The following TRDN variants were observed in gnomAD, a reference collection of about 807,000 sequenced individuals.
TRDN encodes triadin in skeletal muscle.
TRDN carries 161 observed loss-of-function variants against 149.7 expected under a neutral mutation model. The ratio of observed to expected loss-of-function variants is 1.08; its 90% confidence interval spans 0.95 to 1.23. The LOEUF is 1.23. Among genes scored for constraint, TRDN ranks in the 50% most tolerant of loss-of-function variants. TRDN has a pLI of 0.00. For missense variants in TRDN, 896 were observed against 823.5 expected (o/e 1.09, Z -1.08); for synonymous variants, 294 against 250.5 (o/e 1.17, Z -1.64).
At chr6:123,449,826 G>C (rs1266230673) in intron 10 of TRDN, among the ~76,000 whole-genome samples, 5 of 152,094 alleles carry the variant, frequency 3.3e-5, no homozygotes, top group South Asian at 2.1e-4. Context: ...AGAAGCACCA[G>C]GTAACCTCTA....
intron 12 of TRDN, among the ~76,000 whole-genome samples, chr6:123,422,824 T>C (rs1773965064): frequency 6.6e-6 from 1 of 152,142 alleles, no homozygotes; most frequent in Non-Finnish European, 1.5e-5. Context: ...ACCCCTCTAC[T>C]TATCCTCAAT....
At chr6:123,458,279 G>A (rs1015198772) in intron 10 of TRDN, among the ~76,000 whole-genome samples, 5 of 152,078 alleles carry the variant, frequency 3.3e-5, no homozygotes, top group South Asian at 4.1e-4. Flanking sequence ...GCATCAATTC[G>A]GGTAGGCTTT....
chr6:123,296,877 G>A (rs1001497829), intron 24 of TRDN, among the ~76,000 whole-genome samples: 3 of 151,924 alleles, frequency 2.0e-5, no homozygotes, highest in Admixed American at 2.0e-4. Flanking sequence ...AGGCCATTTG[G>A]TAAACAAGAA....
intron 1 of TRDN, among the ~76,000 whole-genome samples, chr6:123,606,370 T>G (rs1239299462): frequency 9.2e-5 from 14 of 152,056 alleles, no homozygotes; most frequent in Non-Finnish European, 1.5e-5. Flanking sequence ...TTTTTTTCCC[T>G]TTGTTTCCTA....
At chr6:123,447,857 C>A (rs1410564909) in intron 10 of TRDN, among the ~76,000 whole-genome samples, 1 of 152,088 alleles carries the variant, frequency 6.6e-6, no homozygotes, top group Non-Finnish European at 1.5e-5. Context: ...ACCCACAGAC[C>A]CTCTGAAGGA....
chr6:123,265,699 A>G (rs1484029137), intron 32 of TRDN, among the ~76,000 whole-genome samples: 1 of 147,996 alleles, frequency 6.8e-6, no homozygotes, highest in Non-Finnish European at 1.5e-5. Flanking sequence ...AATACATATT[A>G]ATATTAATTT....
At chr6:123,344,960 G>T (rs1167599835) in intron 21 of TRDN, among the ~76,000 whole-genome samples, 1 of 151,940 alleles carries the variant, frequency 6.6e-6, no homozygotes, top group African/African-American at 2.4e-5. Flanking sequence ...TATTTTAATA[G>T]GTGTGTAGTG....
At chr6:123,486,970 C>T (rs1477061858) in intron 9 of TRDN, among the ~76,000 whole-genome samples, 1 of 151,872 alleles carries the variant, frequency 6.6e-6, no homozygotes, top group Non-Finnish European at 1.5e-5. Context: ...GGCTAGGAGA[C>T]ATCAGATGGC....
At chr6:123,455,991 C>T (rs1562323245) in intron 10 of TRDN, among the ~76,000 whole-genome samples, 1 of 151,968 alleles carries the variant, frequency 6.6e-6, no homozygotes, top group Non-Finnish European at 1.5e-5. Context: ...ATTATCAGTA[C>T]AAGAAAAAGT....
intron 21 of TRDN, among the ~76,000 whole-genome samples, chr6:123,345,781 C>G (rs1356631458): frequency 6.6e-6 from 1 of 151,898 alleles, no homozygotes; most frequent in Non-Finnish European, 1.5e-5. Flanking sequence ...AAAAAATATA[C>G]CTAAGTGTTT....
chr6:123,304,252 C>CTTTT lies in TRDN; in HGVS notation c.1510+12201_1510+12204dup, dbSNP rs71649806. On this transcript the variant is annotated intron_variant, in intron 24 of 40. Transcript: ENST00000334268. ...ATGAATATTAATTTTCTTTTATTTTCTTTTTTTTTTTTTTTTTTTGAGACG... is the reference window on the plus strand; with the variant it reads ...ATGAATATTAATTTTCTTTTATTTTCTTTTTTTTTTTTTTTTTTTTTTTGAGACG... Among the ~76,000 whole-genome samples the CTTTT allele has an allele frequency of 2.0e-4, 26 of 128,948 alleles. 2 individuals carry two copies. Among genetic ancestry groups the CTTTT allele is most frequent in the African/African-American group, 6.0e-4 (21 of 35,206 alleles). The allele number at this position is 128,948 out of a possible 152,430, so 84.6% of individuals were successfully genotyped here. A position where few individuals can be genotyped will look rare whatever the true frequency, so the allele number is the denominator to read the frequency against.
chr6:123,539,892 T>A (rs1442644940), intron 4 of TRDN, among the ~76,000 whole-genome samples: 1 of 152,208 alleles, frequency 6.6e-6, no homozygotes, highest in Non-Finnish European at 1.5e-5. Context: ...CTCACTCTGA[T>A]TGTGAGTTAG....
intron 23 of TRDN, among the ~76,000 whole-genome samples, chr6:123,321,769 A>G (rs1779252481): frequency 6.6e-6 from 1 of 151,860 alleles, no homozygotes; most frequent in Non-Finnish European, 1.5e-5. Flanking sequence ...CTTAAGAGGA[A>G]TGCTTATTTT....
At chr6:123,466,569 C>T (rs142790229) in intron 9 of TRDN, among the ~76,000 whole-genome samples, 79 of 150,250 alleles carry the variant, frequency 5.3e-4, no homozygotes, top group Middle Eastern at 3.4e-3. Context: ...CTATAGCTGA[C>T]GAGGGACAGA....
At chr6:123,540,529 C>CTTGT (rs1046472671) in intron 4 of TRDN, among the ~76,000 whole-genome samples, 1 of 151,700 alleles carries the variant, frequency 6.6e-6, no homozygotes, top group African/African-American at 2.4e-5. Flanking sequence ...TTTTTGTTTG[C>CTTGT]TTGTTTGTTT....
At chr6:123,466,465 T>G (rs779325880) in intron 9 of TRDN, among the ~76,000 whole-genome samples, 2 of 152,126 alleles carry the variant, frequency 1.3e-5, no homozygotes, top group South Asian at 4.1e-4. Flanking sequence ...ATAAGTGGAA[T>G]TGGATTTCAA....
chr6:123,219,128 A>T (rs1394548202), intron 40 of TRDN, among the ~76,000 whole-genome samples: 1 of 151,924 alleles, frequency 6.6e-6, no homozygotes, highest in East Asian at 1.9e-4. Context: ...GCTTATCAAT[A>T]TGCAAAGCAA....
intron 38 of TRDN, among the ~76,000 whole-genome samples, chr6:123,249,277 A>G (rs1776293416): frequency 6.6e-6 from 1 of 150,586 alleles, no homozygotes; most frequent in Non-Finnish European, 1.5e-5. Flanking sequence ...TAAAAAGTCA[A>G]AAAAAATATG....
rs1009215252 is a variant in TRDN, at chr6:123,261,914, T to C, written c.1805-1276A>G. On this transcript the variant is annotated intron_variant, in intron 33 of 40. Transcript: ENST00000334268. ...TGTTTAAAATTGGCATTGAATCCAT[T>C]ATGAAGTAGCCTGTAGCTGCATTAT... 3.9e-5 allele frequency among the ~76,000 whole-genome samples: 6 copies of C among 152,038 alleles called. No individual in the cohort carries two copies. The East Asian group carries it at 1.2e-3, about 29-fold the overall frequency.
Sources: allele counts gnomAD v4.1 joint callset (sites outside exome capture counted in the v4.1 genomes callset), GRCh38; gene constraint gnomAD v4.1.1; transcripts MANE v1.5; gene names NCBI Gene and HGNC (gene_info 2026-07-23, HGNC 2026-07-21).